Variants in MATN2 observed in about 807,000 individuals in gnomAD.
MATN2 encodes the protein matrilin 2.
A neutral mutation model predicts 103.2 loss-of-function variants in MATN2; 69 were observed. That is an observed-to-expected ratio of 0.67 (90% confidence interval 0.55 to 0.82). The LOEUF is 0.82. MATN2 is among the 40% of genes least tolerant of loss of function. The probability of loss-of-function intolerance (pLI) is 0.00; values close to 1 mark genes in which losing one functional copy is unlikely to be tolerated. For missense variants in MATN2, 1,023 were observed against 1,211.5 expected (o/e 0.84, Z 2.31); for synonymous variants, 429 against 450.2 (o/e 0.95, Z 0.60).
At chr8:98,030,748 C>T (rs1281912253) in intron 15 of MATN2, 134 bp downstream of exon 15, 5 of 775,436 alleles carry the variant, frequency 6.4e-6, no homozygotes, top group East Asian at 2.9e-5. Flanking sequence ...CTACAACCTC[C>T]GCCTCCTGGG....
At chr8:97,924,378 A>G (rs962798633) in intron 2 of MATN2, among the ~76,000 whole-genome samples, 3 of 151,960 alleles carry the variant, frequency 2.0e-5, no homozygotes, top group Non-Finnish European at 2.9e-5. Context: ...CACTTGTGTT[A>G]TTACATTTTT....
chr8:97,906,380 A>G (rs140784793), intron 2 of MATN2, among the ~76,000 whole-genome samples: 2 of 152,306 alleles, frequency 1.3e-5, no homozygotes, highest in East Asian at 3.9e-4. Flanking sequence ...ATATTGTCAC[A>G]TGTCCAAGGT....
chr8:97,912,095 C>G (rs947240030), intron 2 of MATN2, among the ~76,000 whole-genome samples: 5 of 152,232 alleles, frequency 3.3e-5, no homozygotes, highest in African/African-American at 7.2e-5. Context: ...CCCCGTTACA[C>G]TGCACGACCT....
intron 6 of MATN2, among the ~76,000 whole-genome samples, chr8:97,988,170 A>T (rs1223797906): frequency 9.9e-4 from 44 of 44,378 alleles, no homozygotes; most frequent in African/African-American, 3.0e-3. Context: ...AAAAAAAAAA[A>T]AATATATATA....
chr8:97,906,128 G>A (rs546313634), intron 2 of MATN2, among the ~76,000 whole-genome samples: 31 of 152,294 alleles, frequency 2.0e-4, no homozygotes, highest in African/African-American at 6.5e-4. Flanking sequence ...TTCAACAGTG[G>A]CTGCAGCATG....
chr8:97,907,201 A>G (rs553445827), intron 2 of MATN2, among the ~76,000 whole-genome samples: 115 of 151,348 alleles, frequency 7.6e-4, no homozygotes, highest in African/African-American at 2.4e-3. Flanking sequence ...GGGTTTCACC[A>G]TGTTGGCCAG....
At chr8:97,979,139 A>C in intron 6 of MATN2, 131 bp downstream of exon 6, 1 of 1,038,548 alleles carries the variant, frequency 9.6e-7, no homozygotes, top group South Asian at 1.7e-5. Context: ...CTTTTGCCCC[A>C]TTCCTCCTCT....
At chr8:97,958,046 GA>G (rs1294474227) in intron 4 of MATN2, among the ~76,000 whole-genome samples, 1 of 152,018 alleles carries the variant, frequency 6.6e-6, no homozygotes, top group Admixed American at 6.5e-5. Flanking sequence ...AAGCCTTTTA[GA>G]AAAAAAGATT....
At chr8:97,998,149 C>T (rs1812653441) in intron 7 of MATN2, among the ~76,000 whole-genome samples, 1 of 151,380 alleles carries the variant, frequency 6.6e-6, no homozygotes, top group Non-Finnish European at 1.5e-5. Flanking sequence ...TAGCTGCCTG[C>T]CAGATTGCTG....
At chr8:97,888,406 G>A (rs936898784) in intron 2 of MATN2, among the ~76,000 whole-genome samples, 164 bp downstream of exon 2, 5 of 152,224 alleles carry the variant, frequency 3.3e-5, no homozygotes, top group African/African-American at 7.2e-5. Context: ...CCGGAGTTGA[G>A]CACGTGGTTG....
intron 6 of MATN2, among the ~76,000 whole-genome samples, chr8:97,986,999 A>ATT (rs531958193): frequency 1.5e-4 from 21 of 143,322 alleles, no homozygotes; most frequent in East Asian, 8.2e-4. Context: ...CGCCCAGCTA[A>ATT]TTTTTTTTTT....
intron 4 of MATN2, among the ~76,000 whole-genome samples, chr8:97,943,452 C>CCTCCTCCTCCTCCTT (rs1445235657): frequency 2.0e-5 from 3 of 151,248 alleles, no homozygotes; most frequent in Admixed American, 6.6e-5. Flanking sequence ...TCCTCCACCT[C>CCTCCTCCTCCTCCTT]CTCCTCCTCC....
chr8:98,005,381 T>G lies in MATN2; in HGVS notation c.1327+1598T>G, dbSNP rs11987110. On this transcript the variant is annotated intron_variant, in intron 8 of 18. Coordinates refer to ENST00000254898, the MANE Select transcript of MATN2 (RefSeq NM_002380.5). This position sits in a 1 kb window ranked among gnomAD's most constrained non-coding sequence, Gnocchi z 4.6. The stretch of plus-strand genomic sequence containing the variant: ...ACCATGGATCTGTGTGTATCCTGCC[T>G]GTTTCCCGGAGTGTCAGGTCTGCCA... Among the ~76,000 whole-genome samples, 4,297 of 152,206 alleles carry G rather than the reference T, an allele frequency of 0.028. 184 individuals carry two copies. Among genetic ancestry groups the G allele is most frequent in the African/African-American group, 0.094 (3,916 of 41,508 alleles).
intron 5 of MATN2, among the ~76,000 whole-genome samples, chr8:97,972,718 G>A (rs1811704715): frequency 6.6e-6 from 1 of 152,186 alleles, no homozygotes; most frequent in South Asian, 2.1e-4. Context: ...TAGAGACAGT[G>A]GAGTGATTTC....
intron 1 of MATN2, among the ~76,000 whole-genome samples, chr8:97,873,940 C>T (rs868329951): frequency 3.9e-5 from 6 of 152,276 alleles, no homozygotes; most frequent in African/African-American, 1.2e-4. Flanking sequence ...TAACCCTCAA[C>T]TTTGGCCCTT....
intron 10 of MATN2, among the ~76,000 whole-genome samples, chr8:98,011,838 C>T (rs1211145236): frequency 6.6e-6 from 1 of 152,256 alleles, no homozygotes; most frequent in East Asian, 1.9e-4. Context: ...ACTGTTGCTG[C>T]GCCACAGACT....
intron 4 of MATN2, among the ~76,000 whole-genome samples, chr8:97,943,015 C>G (rs2512026): frequency 0.97 from 147,759 of 152,060 alleles, 71,886 homozygotes; most frequent in Non-Finnish European, 1. Flanking sequence ...GTGTTCTTAG[C>G]CTCCTCTAAG....
At chr8:97,980,162 G>C (rs1415864587) in intron 6 of MATN2, among the ~76,000 whole-genome samples, 2 of 152,208 alleles carry the variant, frequency 1.3e-5, no homozygotes, top group Non-Finnish European at 2.9e-5. Flanking sequence ...CCAGGAGAAG[G>C]AAAGAAGTTG....
chr8:97,998,680 T>G (rs1041263632), intron 7 of MATN2, among the ~76,000 whole-genome samples: 1 of 150,956 alleles, frequency 6.6e-6, no homozygotes, highest in East Asian at 1.9e-4. Context: ...AATTTTTTTT[T>G]ATATTTTTAA....
Sources: allele counts gnomAD v4.1 joint callset (sites outside exome capture counted in the v4.1 genomes callset), GRCh38; gene constraint gnomAD v4.1.1; non-coding constraint Gnocchi (gnomAD v3.1); transcripts MANE v1.5; gene names NCBI Gene and HGNC (gene_info 2026-07-23, HGNC 2026-07-21).